The following DTNA variants were observed in gnomAD, a reference collection of about 807,000 sequenced individuals.
DTNA encodes dystrobrevin alpha.
Under a neutral mutation model 100.7 loss-of-function variants are expected in DTNA, and 43 were observed. The observed-to-expected ratio is 0.43, with a 90% CI of 0.33 to 0.55. The LOEUF (loss-of-function observed/expected upper bound fraction) is 0.55, where lower values mean the gene tolerates loss of function less well. Among genes scored for constraint, DTNA ranks in the 20% least tolerant of loss-of-function variants. DTNA has a pLI of 0.04. For missense variants in DTNA, 798 were observed against 953.9 expected (o/e 0.84, Z 2.15); for synonymous variants, 349 against 347.9 (o/e 1.00, Z -0.04).
chr18:34,784,166 C>A (rs970308113), intron 3 of DTNA, among the ~76,000 whole-genome samples: 2 of 152,166 alleles, frequency 1.3e-5, no homozygotes, highest in Non-Finnish European at 2.9e-5. Context: ...CACCACCATA[C>A]CTCTTAGCTT....
chr18:34,866,376 G>T (rs1375042473), intron 17 of DTNA: 1 of 1,389,052 alleles, frequency 7.2e-7, no homozygotes, highest in Non-Finnish European at 9.3e-7. Flanking sequence ...AAAAGGGAAC[G>T]AATTGTCATT....
intron 1 of DTNA, among the ~76,000 whole-genome samples, chr18:34,736,591 A>C (rs1758611678): frequency 1.3e-5 from 2 of 152,316 alleles, no homozygotes; most frequent in Admixed American, 1.3e-4. Flanking sequence ...TATAAAGATA[A>C]AAATCTCAGT....
chr18:34,583,991 CT>C (rs145783339), intron 1 of DTNA, among the ~76,000 whole-genome samples: 15,607 of 152,052 alleles, frequency 0.1, 1,152 homozygotes, highest in African/African-American at 0.2. Flanking sequence ...ATCTGGGAGA[CT>C]TAAGTAGAAA....
intron 15 of DTNA, among the ~76,000 whole-genome samples, chr18:34,853,966 C>A (rs1329117083): frequency 6.6e-6 from 1 of 151,872 alleles, no homozygotes. Context: ...AGAAACAACC[C>A]AAAAAAAGGA....
At chr18:34,694,385 A>G (rs538631475) in intron 1 of DTNA, among the ~76,000 whole-genome samples, 72 of 152,350 alleles carry the variant, frequency 4.7e-4, no homozygotes, top group Non-Finnish European at 8.1e-4. Flanking sequence ...AGTAATGACA[A>G]TTTACTGTTT....
At chr18:34,636,632 G>A (rs997074477) in intron 1 of DTNA, among the ~76,000 whole-genome samples, 4 of 152,176 alleles carry the variant, frequency 2.6e-5, no homozygotes, top group Non-Finnish European at 4.4e-5. Flanking sequence ...GCATTATGAT[G>A]AAGAGTGTAT....
At chr18:34,845,702 T>C (rs752321771) in intron 13 of DTNA, among the ~76,000 whole-genome samples, 2 of 152,228 alleles carry the variant, frequency 1.3e-5, no homozygotes, top group Non-Finnish European at 2.9e-5. Context: ...TTTCTCTTTT[T>C]CATTGAAGCT....
chr18:34,736,442 A>ATTATTT (rs1411534391), intron 1 of DTNA, among the ~76,000 whole-genome samples: 1 of 152,224 alleles, frequency 6.6e-6, no homozygotes, highest in African/African-American at 2.4e-5. Flanking sequence ...GAGGAATTTC[A>ATTATTT]TTATTTTTCA....
chr18:34,803,128 C>T (rs80028508), intron 4 of DTNA, among the ~76,000 whole-genome samples: 6,216 of 152,194 alleles, frequency 0.041, 175 homozygotes, highest in Non-Finnish European at 0.059. Flanking sequence ...GTGCTTGCCA[C>T]GACCTAAATC....
chr18:34,841,315 C>A (rs1267825766), intron 13 of DTNA, among the ~76,000 whole-genome samples: 1 of 152,172 alleles, frequency 6.6e-6, no homozygotes, highest in East Asian at 1.9e-4. Context: ...CACACTGCAT[C>A]CTCCACGTAT....
chr18:34,573,761 A>G (rs1324854093), intron 1 of DTNA, among the ~76,000 whole-genome samples: 1 of 152,226 alleles, frequency 6.6e-6, no homozygotes, highest in Non-Finnish European at 1.5e-5. Flanking sequence ...CATTGTTACT[A>G]ACTACAGCCA....
At chr18:34,758,825 A>AG (rs1168257291) in intron 2 of DTNA, among the ~76,000 whole-genome samples, 1 of 152,216 alleles carries the variant, frequency 6.6e-6, no homozygotes, top group Non-Finnish European at 1.5e-5. Context: ...CAAGTTGAGG[A>AG]GGTCTAGGTC....
chr18:34,813,270 C>A (rs1371945437), intron 6 of DTNA, among the ~76,000 whole-genome samples: 2 of 150,826 alleles, frequency 1.3e-5, no homozygotes, highest in Non-Finnish European at 3.0e-5. Context: ...AGTTCAAAAC[C>A]AGTGTGAGCA....
intron 1 of DTNA, among the ~76,000 whole-genome samples, chr18:34,520,849 G>T (rs979733408): frequency 3.3e-5 from 5 of 152,084 alleles, no homozygotes; most frequent in African/African-American, 1.2e-4. Flanking sequence ...TTCAGAACTA[G>T]AACATGTGCT....
intron 1 of DTNA, chr18:34,593,449 T>C (rs1355183230): frequency 6.6e-6 from 1 of 152,248 alleles, no homozygotes; most frequent in African/African-American, 2.4e-5. Context: ...TTCAAGTTTG[T>C]TCTTTAAATG....
At chr18:34,794,345 CTTT>C in intron 4 of DTNA, 95 bp downstream of exon 4, 1 of 1,091,572 alleles carries the variant, frequency 9.2e-7, no homozygotes, top group Non-Finnish European at 1.3e-6. Context: ...ATATCTCTCT[CTTT>C]TTTTTTTTAC....
intron 1 of DTNA, among the ~76,000 whole-genome samples, chr18:34,694,985 G>T (rs1429198010): frequency 6.6e-6 from 1 of 152,104 alleles, no homozygotes; most frequent in Non-Finnish European, 1.5e-5. Context: ...CCATGAGTAG[G>T]ACGGAGCATG....
intron 9 of DTNA, among the ~76,000 whole-genome samples, chr18:34,822,927 A>G (rs1306671712): frequency 6.6e-6 from 1 of 152,172 alleles, no homozygotes; most frequent in East Asian, 1.9e-4. Context: ...CACTGATAAC[A>G]TATTTTCCCA....
chr18:34,750,483 A>T (rs1351801231), intron 1 of DTNA, among the ~76,000 whole-genome samples: 1 of 152,186 alleles, frequency 6.6e-6, no homozygotes, highest in Non-Finnish European at 1.5e-5. Flanking sequence ...CAATTTCAGA[A>T]AATCTTAATT....
Sources: allele counts gnomAD v4.1 joint callset (sites outside exome capture counted in the v4.1 genomes callset), GRCh38; gene constraint gnomAD v4.1.1; transcripts MANE v1.5; gene names NCBI Gene and HGNC (gene_info 2026-07-23, HGNC 2026-07-21).